The following PLXNA2 variants were observed in gnomAD, a reference collection of about 807,000 sequenced individuals.
PLXNA2 encodes the protein plexin-A2.
Under a neutral mutation model 193.5 loss-of-function variants are expected in PLXNA2, and 91 were observed. That is an observed-to-expected ratio of 0.47 (90% CI 0.40 to 0.56). The LOEUF (loss-of-function observed/expected upper bound fraction) is 0.56, where lower values mean the gene tolerates loss of function less well. Among genes scored for constraint, PLXNA2 ranks in the 20% least tolerant of loss-of-function variants. The pLI is 0.00. For synonymous variants in PLXNA2, 997 were observed against 1,027.3 expected (o/e 0.97, Z 0.56); for missense variants, 1,995 against 2,503.2 (o/e 0.80, Z 4.33).
chr1:208,044,868 A>T lies in PLXNA2; in HGVS notation c.3640-126T>A. ...CAACCACACAGTGCAGCTCTAGATA[A>T]AAAGCAATTTCCTGCCTCGGCATCT... On this transcript the variant is annotated intron_variant, in intron 19 of 31. Transcript: ENST00000367033. This position sits in a 1 kb window ranked among gnomAD's most constrained non-coding sequence, Gnocchi z 4.9. 1 of 989,230 alleles carries T rather than the reference A, an allele frequency of 1.0e-6. No individual in the cohort carries two copies. The highest frequency in any genetic ancestry group is 1.5e-6 in the Non-Finnish European group (1 of 662,284). 61.3% of individuals were successfully genotyped at this position (989,230 alleles called of 1,614,324 possible).
intron 1 of PLXNA2, among the ~76,000 whole-genome samples, chr1:208,237,223 G>T (rs1287463865): frequency 6.6e-6 from 1 of 152,218 alleles, no homozygotes; most frequent in Non-Finnish European, 1.5e-5. Flanking sequence ...CAGGTAGCAA[G>T]CACATGGCAG....
intron 3 of PLXNA2, among the ~76,000 whole-genome samples, chr1:208,145,973 G>A (rs754769013): frequency 1.3e-5 from 2 of 152,202 alleles, no homozygotes; most frequent in African/African-American, 2.4e-5. Context: ...ACTCACCCCC[G>A]ATCCATGCTA....
rs201719454 is a variant in PLXNA2 at position 208,210,367 on chromosome 1, G to C, written c.1284C>G (p.Ser428Arg). 1 of 1,614,074 alleles carries C rather than the reference G, an allele frequency of 6.2e-7. No individual in the cohort carries two copies. The highest frequency in any genetic ancestry group is 2.2e-5 in the East Asian group (1 of 44,858). The change falls in exon 3 of 32, where the codon AGC becomes AGG. Residue 428 changes from serine to arginine, a missense_variant. Around this residue, in one of 3 missense-constraint regions of PLXNA2, gnomAD observed 702 missense variants for 812.9 expected, o/e 0.86. Coordinates refer to ENST00000367033, the MANE Select transcript of PLXNA2 (RefSeq NM_025179.4). ...PVEGLTLYTT[S>R]RDRMTSVASY... is the part of the protein sequence containing the mutation. Reference sequence around the variant, plus strand: ...AGGCCACAGAGGTCATGCGGTCCCTGCTGGTGGTGTACAGGGTCAGGCCCT... The same window carrying C: ...AGGCCACAGAGGTCATGCGGTCCCTCCTGGTGGTGTACAGGGTCAGGCCCT...
intron 23 of PLXNA2, 112 bp downstream of exon 23, chr1:208,039,880 T>C: frequency 1.9e-6 from 3 of 1,582,434 alleles, no homozygotes; most frequent in Non-Finnish European, 2.6e-6. Flanking sequence ...GCACAGCCAG[T>C]CCAGGTTCCT....
At chr1:208,076,092 G>C (rs989165815) in intron 12 of PLXNA2, among the ~76,000 whole-genome samples, 1 of 151,536 alleles carries the variant, frequency 6.6e-6, no homozygotes. Context: ...AAAAGAGACA[G>C]GGTTTTGCTC....
At chr1:208,172,845 C>T (rs561586709) in intron 3 of PLXNA2, among the ~76,000 whole-genome samples, 31 of 152,266 alleles carry the variant, frequency 2.0e-4, no homozygotes, top group South Asian at 1.0e-3. Context: ...ACTCTGGGGA[C>T]GGCTGGCTGG....
rs1261431461 is a variant in PLXNA2, at chr1:208,042,085, C to A, written c.4286+13G>T. On this transcript the variant is annotated intron_variant, in intron 22 of 31. Coordinates refer to ENST00000367033, the MANE Select transcript of PLXNA2 (RefSeq NM_025179.4). ...CTCCTGCCACCCTCTCCACCCACTG[C>A]TGCGGGCCAGACCTCCGGAGTAGCA... 1.2e-6 allele frequency: 2 copies of A among 1,611,786 alleles called. No homozygotes were observed. The highest frequency in any genetic ancestry group is 1.7e-6 in the Non-Finnish European group (2 of 1,178,678).
At chr1:208,080,612 A>G (rs1176307392) in intron 11 of PLXNA2, among the ~76,000 whole-genome samples, 1 of 152,154 alleles carries the variant, frequency 6.6e-6, no homozygotes, top group Non-Finnish European at 1.5e-5. Flanking sequence ...TTCCTCTGCT[A>G]TGTCCAGCAT....
chr1:208,197,626 G>A (rs1193915741), intron 3 of PLXNA2, among the ~76,000 whole-genome samples: 1 of 152,188 alleles, frequency 6.6e-6, no homozygotes, highest in Admixed American at 6.5e-5. Context: ...CCATCAGTAG[G>A]AGTTTGGCTC....
intron 3 of PLXNA2, among the ~76,000 whole-genome samples, chr1:208,205,591 C>T (rs904771944): frequency 3.3e-5 from 5 of 152,220 alleles, no homozygotes; most frequent in African/African-American, 4.8e-5. Context: ...CCTCCTTCAT[C>T]GCACGCTTTG....
chr1:208,190,918 AG>A, intron 3 of PLXNA2, among the ~76,000 whole-genome samples: 1 of 152,318 alleles, frequency 6.6e-6, no homozygotes, highest in South Asian at 2.1e-4. Context: ...CAGTCTACTC[AG>A]TCCTGGACCC....
intron 12 of PLXNA2, among the ~76,000 whole-genome samples, chr1:208,061,133 A>C (rs1433070808): frequency 6.6e-6 from 1 of 152,196 alleles, no homozygotes; most frequent in African/African-American, 2.4e-5. Context: ...GGTTTGAGAC[A>C]TGTCTCTAAT....
intron 26 of PLXNA2, among the ~76,000 whole-genome samples, chr1:208,035,755 T>C (rs1664652923): frequency 6.6e-6 from 1 of 152,192 alleles, no homozygotes. Flanking sequence ...GCACCAGTCA[T>C]AAAACCATCT....
chr1:208,236,033 T>C lies in PLXNA2; in HGVS notation c.-81+7610A>G, dbSNP rs1346091527. 1.3e-5 allele frequency among the ~76,000 whole-genome samples: 2 copies of C among 152,290 alleles called. No homozygotes were observed. Among genetic ancestry groups the C allele is most frequent in the East Asian group, 3.9e-4 (2 of 5,172 alleles). ...CTGGAGTCAGGGTGGGGCATCAGTGTTGTCAGGGCACTGTGAAATCCCAGC... is the reference window on the plus strand; with the variant it reads ...CTGGAGTCAGGGTGGGGCATCAGTGCTGTCAGGGCACTGTGAAATCCCAGC... On this transcript the variant is annotated intron_variant, in intron 1 of 31. Transcript: ENST00000367033. This position sits in a 1 kb window ranked among gnomAD's most constrained non-coding sequence, Gnocchi z 4.4.
chr1:208,030,424 T>A (rs1161048864), intron 29 of PLXNA2: 1 of 985,444 alleles, frequency 1.0e-6, no homozygotes, highest in Non-Finnish European at 1.2e-6. Context: ...CCGGGGATGC[T>A]CCAAAGCAAA....
At chr1:208,110,984 G>T (rs1667453943) in intron 4 of PLXNA2, among the ~76,000 whole-genome samples, 1 of 152,196 alleles carries the variant, frequency 6.6e-6, no homozygotes. Context: ...TGAATCAGGA[G>T]CCAGACAGCA....
At chr1:208,189,658 TATC>T (rs1670116291) in intron 3 of PLXNA2, among the ~76,000 whole-genome samples, 3 of 152,174 alleles carry the variant, frequency 2.0e-5, no homozygotes, top group Non-Finnish European at 4.4e-5. Flanking sequence ...GCAAGGTAGG[TATC>T]ATCATTCTCA....
chr1:208,199,973 G>A (rs1207605637), intron 3 of PLXNA2, among the ~76,000 whole-genome samples: 2 of 152,236 alleles, frequency 1.3e-5, no homozygotes, highest in South Asian at 2.1e-4. Context: ...TTGCTTGATA[G>A]CGTCAATCTT....
At position 208,043,075 on chromosome 1, in the gene PLXNA2, G is replaced by A. The variant is rs200733661; in HGVS notation, c.4003C>T (p.Leu1335=). 4.2e-5 allele frequency: 67 copies of A among 1,613,762 alleles called. No individual in the cohort carries two copies. The highest frequency in any genetic ancestry group is 1.4e-5 in the Non-Finnish European group (16 of 1,180,010). The part of the protein sequence containing the change: ...LFPGIEDHPV[L]RELEVQGNGQ... The stretch of plus-strand genomic sequence containing the variant: ...GCAGGCATTACCTCCAGCTCCCGCA[G>A]GACGGGGTGGTCCTCGATGCCCGGG... The change falls in exon 21 of 32, where the codon CTG becomes TTG. Residue 1335 remains leucine, a synonymous_variant. Coordinates refer to ENST00000367033, the MANE Select transcript of PLXNA2 (RefSeq NM_025179.4).
Sources: allele counts gnomAD v4.1 joint callset (sites outside exome capture counted in the v4.1 genomes callset), GRCh38; gene constraint gnomAD v4.1.1; regional missense constraint gnomAD v4.1.1; non-coding constraint Gnocchi (gnomAD v3.1); transcripts MANE v1.5; gene names NCBI Gene and HGNC (gene_info 2026-07-23, HGNC 2026-07-21).